CCNE2: variants seen among roughly 807,000 people sequenced by gnomAD.
CCNE2 encodes the protein cyclin E2, also known as G1/S-specific cyclin-E2.
Under a neutral mutation model 56.8 loss-of-function variants are expected in CCNE2, and 18 were observed. That is an observed-to-expected ratio of 0.32 (90% CI 0.22 to 0.47). The LOEUF is 0.47. Ranked by LOEUF, CCNE2 falls within the 20% of genes least tolerant of loss-of-function variation. CCNE2 has a pLI of 1.00. For synonymous variants in CCNE2, 139 were observed against 149.2 expected (o/e 0.93, Z 0.50); for missense variants, 371 against 467.1 (o/e 0.79, Z 1.90).
intron 7 of CCNE2, among the ~76,000 whole-genome samples, chr8:94,886,612 G>A (rs191024935): frequency 1.3e-5 from 2 of 152,112 alleles, no homozygotes; most frequent in Non-Finnish European, 2.9e-5. Flanking sequence ...GAGGTGGGAG[G>A]ATCACTGTAG....
intron 11 of CCNE2, 43 bp from the exon 12 acceptor site, chr8:94,881,788 G>A: frequency 6.2e-7 from 1 of 1,608,988 alleles, no homozygotes; most frequent in South Asian, 1.1e-5. Flanking sequence ...ATAAATCAAA[G>A]TCAAACCAGA....
rs747205527 is a variant in CCNE2 at position 94,890,460 on chromosome 8, G to T, written c.408C>A (p.Asp136Glu). Residue 136 changes from aspartate to glutamate, a missense_variant, in exon 6 of 12, where the codon GAC becomes GAA. By Grantham distance (45) the Asp-to-Glu change is conservative. Transcript: ENST00000308108. The stretch of plus-strand genomic sequence containing the variant: ...GTATGGACCTCATCTGTGGTTCCAA[G>T]TCAGAATGCAGAACTTCAAAATGTT... ...HDKHFEVLHSDLEPQMRSILL... is the reference protein window; with the variant it reads ...HDKHFEVLHSELEPQMRSILL... 8.1e-6 allele frequency: 13 copies of T among 1,608,758 alleles called. No individual in the cohort carries two copies. The highest frequency in any genetic ancestry group is 1.0e-5 in the Non-Finnish European group (12 of 1,177,344).
At chr8:94,893,976 A>T in intron 3 of CCNE2, 32 bp from the exon 4 acceptor site, 2 of 1,613,864 alleles carry the variant, frequency 1.2e-6, no homozygotes, top group Non-Finnish European at 1.7e-6. Flanking sequence ...TGGTAAACTA[A>T]AGTCCCAGCA....
In CCNE2 at chr8:94,890,489, C is replaced by T; in HGVS notation, c.379G>A (p.Asp127Asn). ...MLKKESRYVH[D>N]KHFEVLHSDL... ...GAATGCAGAACTTCAAAATGTTTGTCATGAACATATCTGCTCTCCTTTTTT... is the reference window on the plus strand; with the variant it reads ...GAATGCAGAACTTCAAAATGTTTGTTATGAACATATCTGCTCTCCTTTTTT... The change falls in exon 6 of 12, where the codon GAC (aspartate) becomes AAC (asparagine). Residue 127 changes from aspartate (D) to asparagine (N), a missense_variant. Transcript: ENST00000308108. The T allele has an allele frequency of 5.6e-6, 9 of 1,606,594 alleles. No homozygotes were observed. Among genetic ancestry groups the T allele is most frequent in the Non-Finnish European group, 7.7e-6 (9 of 1,175,502 alleles).
At chr8:94,891,863 T>G (rs1817258083) in intron 5 of CCNE2, 2 of 1,495,408 alleles carry the variant, frequency 1.3e-6, no homozygotes, top group African/African-American at 2.7e-5. Flanking sequence ...AATGCTGAAC[T>G]TAAGAGTTTA....
intron 1 of CCNE2, 69 bp downstream of exon 1, chr8:94,895,108 G>C (rs1338086077): frequency 3.1e-5 from 28 of 896,460 alleles, no homozygotes; most frequent in Non-Finnish European, 3.6e-5. Context: ...GCTCCCGCCT[G>C]TGGTAAGTGA....
At chr8:94,894,318 C>T in intron 1 of CCNE2, 71 bp from the exon 2 acceptor site, 1 of 1,527,240 alleles carries the variant, frequency 6.5e-7, no homozygotes, top group East Asian at 2.3e-5. Flanking sequence ...CAGTAAGACG[C>T]TGATTCGCAG....
upstream of CCNE2, chr8:94,896,444 T>G (rs2131143107): frequency 6.6e-6 from 1 of 152,306 alleles, no homozygotes; most frequent in Non-Finnish European, 1.5e-5. Flanking sequence ...CCCCCACAAC[T>G]GGCGCACCCC....
Position 94,882,838 on chromosome 8 carries a change from G to A in CCNE2, c.886C>T (p.Leu296=). 6.2e-7 allele frequency: 1 copy of A among 1,613,878 alleles called. No individual in the cohort carries two copies. Among genetic ancestry groups the A allele is most frequent in the Non-Finnish European group, 8.5e-7 (1 of 1,179,860 alleles). The stretch of plus-strand genomic sequence containing the variant: ...AAATGGCACAAGGCAGCAGCAGTCA[G>A]TATTCTGTACTGGAACTCTAATGAA... ...IDSLEFQYRI[L]TAAALCHFTS... is the part of the protein sequence containing the mutation. Residue 296 remains leucine (L), a synonymous_variant, in exon 10 of 12, where the codon CTG becomes TTG. Transcript: ENST00000308108.
At chr8:94,890,947 A>G (rs1425427749) in intron 5 of CCNE2, among the ~76,000 whole-genome samples, 1 of 152,214 alleles carries the variant, frequency 6.6e-6, no homozygotes, top group Non-Finnish European at 1.5e-5. Flanking sequence ...TCTGTTTCAC[A>G]TAGATAAAAT....
chr8:94,883,030 C>T (rs1816886824), intron 9 of CCNE2, 138 bp from the exon 10 acceptor site: 2 of 513,246 alleles, frequency 3.9e-6, no homozygotes, highest in Non-Finnish European at 7.0e-6. Context: ...AATCCCAGCA[C>T]TTTGGGAGGC....
At chr8:94,883,860 G>A (rs1816926560) in intron 9 of CCNE2, 1 of 455,908 alleles carries the variant, frequency 2.2e-6, no homozygotes, top group African/African-American at 2.0e-5. Flanking sequence ...TTGTGCAGTG[G>A]AATTAAACTT....
At chr8:94,896,004 A>G (rs987056481), upstream of CCNE2, 3 of 150,714 alleles carry the variant, frequency 2.0e-5, no homozygotes, top group African/African-American at 7.3e-5. Context: ...CGCTCCCCCA[A>G]CCCGCCGCTC....
chr8:94,887,871 G>C, intron 7 of CCNE2, 56 bp downstream of exon 7: 1 of 1,236,302 alleles, frequency 8.1e-7, no homozygotes, highest in East Asian at 2.5e-5. Context: ...TTAATATGTT[G>C]ATTTAAAAAA....
rs757022188 is a variant in CCNE2, at chr8:94,885,471, T to C, written c.688A>G (p.Ile230Val). ...AACATAATTATTATTACCTTTAATA[T>C]AATGAGTTCCATCCTTAAGATATCC... is the stretch of plus-strand genomic sequence containing the variant. ...EEDILRMELIILKALKWELCP... is the reference protein window; with the variant it reads ...EEDILRMELIVLKALKWELCP... The change falls in exon 8 of 12, where the codon ATA becomes GTA. Residue 230 changes from isoleucine to valine, a missense_variant. Coordinates refer to ENST00000308108, the MANE Select transcript of CCNE2 (RefSeq NM_057749.3). 6.4e-7 allele frequency: 1 copy of C among 1,574,576 alleles called. No homozygotes were observed. The highest frequency in any genetic ancestry group is 8.7e-7 in the Non-Finnish European group (1 of 1,151,692).
chr8:94,893,785 A>G, intron 4 of CCNE2, 106 bp downstream of exon 4: 1 of 1,201,696 alleles, frequency 8.3e-7, no homozygotes, highest in Non-Finnish European at 1.2e-6. Flanking sequence ...CATTAAAAGT[A>G]AAAGTGTCAG....
chr8:94,894,630 G>C (rs948102030), intron 1 of CCNE2: 32 of 188,468 alleles, frequency 1.7e-4, no homozygotes, highest in African/African-American at 7.3e-4. Flanking sequence ...CGGGGAGAGG[G>C]GGTTGTGGAG....
In CCNE2 at chr8:94,890,314, G is replaced by A. The variant is rs1817184126; in HGVS notation, c.453+101C>T. 2.9e-5 allele frequency: 28 copies of A among 970,580 alleles called. No homozygotes were observed. The Middle Eastern group carries it at 7.5e-4, about 26-fold the overall frequency. 60.1% of individuals were successfully genotyped at this position (970,580 alleles called of 1,614,324 possible). A position where few individuals can be genotyped will look rare whatever the true frequency, so the allele number is the denominator to read the frequency against. ...TACCTCAAAAAAGACAGCTTCCTGG[G>A]GATGAACAATAAACTCTTGAGAGTA... On this transcript the variant is annotated intron_variant, in intron 6 of 11. Coordinates refer to ENST00000308108, the MANE Select transcript of CCNE2 (RefSeq NM_057749.3).
upstream of CCNE2, among the ~76,000 whole-genome samples, chr8:94,896,296 C>G (rs1383834509): frequency 1.3e-5 from 2 of 148,372 alleles, no homozygotes; most frequent in Non-Finnish European, 3.0e-5. Flanking sequence ...GCGCGCCCTG[C>G]GGAGCCCGCG....
Sources: gnomAD v4.1 joint callset for allele counts (sites outside exome capture counted in the v4.1 genomes callset) on GRCh38, gnomAD v4.1.1 for gene constraint, MANE v1.5 for transcripts, NCBI Gene and HGNC (gene_info 2026-07-23, HGNC 2026-07-21) for gene names.